Variants in RANBP2 observed in about 807,000 individuals in gnomAD.
The protein encoded by RANBP2 is E3 SUMO-protein ligase RanBP2.
Under a neutral mutation model 303.6 loss-of-function variants are expected in RANBP2, and 57 were observed. The ratio of observed to expected loss-of-function variants is 0.19; its 90% CI spans 0.15 to 0.23. RANBP2 has a LOEUF of 0.23. RANBP2 is among the 10% of genes least tolerant of loss of function. RANBP2 has a pLI of 1.00. For synonymous variants in RANBP2, 1,167 were observed against 1,301.5 expected, an observed-to-expected ratio of 0.90 and a Z score of 2.23; for missense variants, 3,138 against 3,780.8, an observed-to-expected ratio of 0.83 and a Z score of 4.46.
the RANBP2 span, among the ~76,000 whole-genome samples, chr2:109,078,100 A>ATATATATATATGGCC: frequency 1.4e-5 from 1 of 70,006 alleles, no homozygotes; most frequent in Non-Finnish European, 2.9e-5. Context: ...ATATATATAT[A>ATATATATATATGGCC]TATATATATA....
rs1695661830 is a variant in RANBP2, at chr2:108,737,246, T to A, written c.782+997T>A. On this transcript the variant is annotated intron_variant, in intron 6 of 28. Coordinates refer to ENST00000283195, the MANE Select transcript of RANBP2 (RefSeq NM_006267.5). ...GTTTTATTTTGTATTCTTTGTATAC[T>A]CAAATTTTTGGTCACAAGTTCCTTT... 8.5e-5 allele frequency among the ~76,000 whole-genome samples: 13 copies of A among 152,160 alleles called. No homozygotes were observed. In the South Asian group the frequency reaches 2.7e-3, roughly 32 times the overall value.
the RANBP2 span, among the ~76,000 whole-genome samples, chr2:109,773,264 AG>A: frequency 6.7e-6 from 1 of 150,358 alleles, no homozygotes; most frequent in Non-Finnish European, 1.5e-5. Flanking sequence ...AAGATCAGCC[AG>A]GGCGAGGCCA....
At chr2:108,796,209 C>T in the RANBP2 span, among the ~76,000 whole-genome samples, 5,479 of 151,792 alleles carry the variant, frequency 0.036, 173 homozygotes, top group Middle Eastern at 0.075. Context: ...CCACCGCGCC[C>T]GGCTAATTTT....
At chr2:109,430,965 G>A in the RANBP2 span, among the ~76,000 whole-genome samples, 2 of 152,204 alleles carry the variant, frequency 1.3e-5, no homozygotes, top group East Asian at 1.9e-4. Context: ...GAGGGCAGAG[G>A]GCCTTGCTAT....
the RANBP2 span, among the ~76,000 whole-genome samples, chr2:108,908,883 A>G: frequency 2.0e-5 from 3 of 152,274 alleles, no homozygotes; most frequent in African/African-American, 4.8e-5. Flanking sequence ...TACAAAGACA[A>G]TGAGAACCAT....
chr2:109,687,116 AT>A, the RANBP2 span, among the ~76,000 whole-genome samples: 49 of 151,404 alleles, frequency 3.2e-4, no homozygotes, highest in Non-Finnish European at 6.5e-4. Flanking sequence ...AGAACATCTG[AT>A]TTTTTTTTCA....
the RANBP2 span, among the ~76,000 whole-genome samples, chr2:109,168,779 A>G: frequency 2.6e-5 from 4 of 152,232 alleles, no homozygotes; most frequent in African/African-American, 7.2e-5. Flanking sequence ...CACAGTAGGA[A>G]TTAAGCCTGA....
the RANBP2 span, among the ~76,000 whole-genome samples, chr2:108,934,510 T>A: frequency 6.6e-6 from 1 of 152,230 alleles, no homozygotes; most frequent in South Asian, 2.1e-4. Flanking sequence ...GGAGCACCTG[T>A]CTTAGTCTGC....
the RANBP2 span, among the ~76,000 whole-genome samples, chr2:108,983,603 GC>G: frequency 2.6e-5 from 4 of 152,118 alleles, no homozygotes; most frequent in African/African-American, 9.7e-5. Context: ...TGCCTTGACT[GC>G]CCTGGAGTTC....
At chr2:109,290,223 C>T in the RANBP2 span, among the ~76,000 whole-genome samples, 1 of 152,226 alleles carries the variant, frequency 6.6e-6, no homozygotes, top group Non-Finnish European at 1.5e-5. Context: ...TCTTCAGACA[C>T]ATCACATCAT....
At chr2:109,453,001 C>A in the RANBP2 span, among the ~76,000 whole-genome samples, 8 of 148,904 alleles carry the variant, frequency 5.4e-5, no homozygotes, top group African/African-American at 2.0e-4. Context: ...GGAGGCTGGT[C>A]CCCGGGAAAC....
At chr2:109,676,918 G>A in the RANBP2 span, among the ~76,000 whole-genome samples, 421 of 152,272 alleles carry the variant, frequency 2.8e-3, 1 homozygote, top group South Asian at 0.019. Context: ...GGTAGACAAA[G>A]CCATCCTGGT....
the RANBP2 span, among the ~76,000 whole-genome samples, chr2:109,249,156 A>G: frequency 6.6e-6 from 1 of 152,214 alleles, no homozygotes. Context: ...AGGATTGATT[A>G]CAGGTGTGGG....
chr2:108,894,825 G>T, the RANBP2 span: 1 of 152,168 alleles, frequency 6.6e-6, no homozygotes, highest in Non-Finnish European at 1.5e-5. Flanking sequence ...AGAGCCAATG[G>T]AACATGAGCT....
the RANBP2 span, among the ~76,000 whole-genome samples, chr2:109,707,609 T>C: frequency 6.6e-6 from 1 of 152,000 alleles, no homozygotes; most frequent in African/African-American, 2.4e-5. Flanking sequence ...TATCCTCCCA[T>C]GACCCAGCCA....
At chr2:108,937,199 CTTCTT>C in the RANBP2 span, among the ~76,000 whole-genome samples, 1 of 152,226 alleles carries the variant, frequency 6.6e-6, no homozygotes, top group African/African-American at 2.4e-5. Context: ...AGCAGCCACT[CTTCTT>C]TATCACTGCA....
chr2:109,436,053 G>A, the RANBP2 span, among the ~76,000 whole-genome samples: 1 of 152,152 alleles, frequency 6.6e-6, no homozygotes, highest in Non-Finnish European at 1.5e-5. Flanking sequence ...GCCACAGGGA[G>A]ATGGCTGGAC....
the RANBP2 span, among the ~76,000 whole-genome samples, chr2:109,168,431 G>T: frequency 1.3e-5 from 2 of 152,196 alleles, no homozygotes; most frequent in South Asian, 2.1e-4. Flanking sequence ...CTAGATTCCT[G>T]TGCTTGCGAG....
At chr2:108,958,713 C>T in the RANBP2 span, among the ~76,000 whole-genome samples, 1 of 152,166 alleles carries the variant, frequency 6.6e-6, no homozygotes, top group Non-Finnish European at 1.5e-5. Flanking sequence ...GTTGGAACAC[C>T]CCTAGATATC....
Sources: allele counts gnomAD v4.1 joint callset (sites outside exome capture counted in the v4.1 genomes callset), GRCh38; gene constraint gnomAD v4.1.1; transcripts MANE v1.5; gene names NCBI Gene and HGNC (gene_info 2026-07-23, HGNC 2026-07-21).